Variants in GAPVD1 observed in about 807,000 individuals in gnomAD.
GAPVD1 encodes GTPase activating protein and VPS9 domains 1.
Under a neutral mutation model 155.5 loss-of-function variants are expected in GAPVD1, and 35 were observed. The ratio of observed to expected loss-of-function variants is 0.23; its 90% confidence interval spans 0.17 to 0.30. The LOEUF is 0.30. Among genes scored for constraint, GAPVD1 ranks in the 10% least tolerant of loss-of-function variants. GAPVD1 has a pLI of 1.00. For missense variants in GAPVD1, 1,429 were observed against 1,775.7 expected (o/e 0.80, Z 3.51); for synonymous variants, 636 against 619.7 (o/e 1.03, Z -0.39).
chr9:125,325,683 G>A (rs536998667), intron 11 of GAPVD1, among the ~76,000 whole-genome samples: 2 of 152,246 alleles, frequency 1.3e-5, no homozygotes, highest in African/African-American at 4.8e-5. Flanking sequence ...TGTCATTGGA[G>A]TGTGTGTGGC....
intron 11 of GAPVD1, among the ~76,000 whole-genome samples, chr9:125,326,148 A>G (rs1845145843): frequency 1.3e-5 from 2 of 152,372 alleles, no homozygotes; most frequent in South Asian, 4.1e-4. Flanking sequence ...GAAGTTGAAC[A>G]AATGTCACCT....
intron 25 of GAPVD1, among the ~76,000 whole-genome samples, chr9:125,358,793 T>C (rs1157982662): frequency 1.3e-5 from 2 of 152,208 alleles, no homozygotes; most frequent in Non-Finnish European, 2.9e-5. Context: ...ATTCAAACCA[T>C]ATAGACTACA....
At chr9:125,300,220 C>A (rs1174514463) in intron 4 of GAPVD1, among the ~76,000 whole-genome samples, 2 of 144,126 alleles carry the variant, frequency 1.4e-5, no homozygotes, top group Non-Finnish European at 3.0e-5. Flanking sequence ...CTCGCTCTGT[C>A]CCCCAGGCTG....
chr9:125,358,671 T>A (rs566840038), intron 25 of GAPVD1, among the ~76,000 whole-genome samples: 80 of 152,212 alleles, frequency 5.3e-4, no homozygotes, highest in Non-Finnish European at 9.3e-4. Flanking sequence ...TTGTTTATGG[T>A]CTCACAGTGT....
Position 125,326,464 on chromosome 9 carries a change from G to T in GAPVD1, c.1907G>T (p.Arg636Leu). 1 of 1,612,168 alleles carries T rather than the reference G, an allele frequency of 6.2e-7. No individual in the cohort carries two copies. The highest frequency in any genetic ancestry group is 8.5e-7 in the Non-Finnish European group (1 of 1,178,206). ...LDDKLRKFEI[R>L]DMMGLTDDRD... ...GATAAGCTAAGGAAGTTTGAAATTC[G>T]TGACATGATGGGATTAACAGATGAT... Residue 636 changes from arginine to leucine, a missense_variant, in exon 12 of 28, where the codon CGT becomes CTT. Coordinates refer to ENST00000297933, the MANE Select transcript of GAPVD1 (RefSeq NM_001282680.3).
chr9:125,286,384 T>G (rs988957152), intron 2 of GAPVD1, among the ~76,000 whole-genome samples: 1 of 152,268 alleles, frequency 6.6e-6, no homozygotes, highest in East Asian at 1.9e-4. Flanking sequence ...GCTTAAGCAA[T>G]CTGCCTGCCT....
At chr9:125,286,623 A>G (rs1837748283) in intron 2 of GAPVD1, among the ~76,000 whole-genome samples, 1 of 152,200 alleles carries the variant, frequency 6.6e-6, no homozygotes, top group Non-Finnish European at 1.5e-5. Context: ...AACTGGTGAC[A>G]ATGCAAATAT....
intron 2 of GAPVD1, among the ~76,000 whole-genome samples, chr9:125,285,762 A>G (rs943760193): frequency 2.0e-5 from 3 of 150,528 alleles, no homozygotes; most frequent in African/African-American, 7.3e-5. Context: ...CACCTGGCCC[A>G]TCTGTTTCGT....
intron 23 of GAPVD1, 70 bp downstream of exon 23, chr9:125,350,942 T>C: frequency 1.6e-6 from 2 of 1,228,750 alleles, no homozygotes; most frequent in Non-Finnish European, 2.3e-6. Context: ...TTTATCCTTA[T>C]TTCAGAAATG....
rs1564486641 is a variant in GAPVD1, at chr9:125,363,286, T to C, written c.*540T>C. 2 of 152,160 alleles carry C rather than the reference T, an allele frequency of 1.3e-5. No homozygotes were observed. The highest frequency in any genetic ancestry group is 4.8e-5 in the African/African-American group (2 of 41,444). 9.4% of individuals were successfully genotyped at this position (152,160 alleles called of 1,614,324 possible). A position where few individuals can be genotyped will look rare whatever the true frequency, so the allele number is the denominator to read the frequency against. On this transcript the variant is annotated 3_prime_UTR_variant, in exon 28 of 28. Coordinates refer to ENST00000297933, the MANE Select transcript of GAPVD1 (RefSeq NM_001282680.3). Reference sequence around the variant, plus strand: ...TAATATATATTTATATTTGATGTAATATGGACATCTGCAGATTCTAATAAA... The same window carrying C: ...TAATATATATTTATATTTGATGTAACATGGACATCTGCAGATTCTAATAAA...
At chr9:125,288,498 C>T (rs544960912) in intron 2 of GAPVD1, among the ~76,000 whole-genome samples, 1 of 152,068 alleles carries the variant, frequency 6.6e-6, no homozygotes, top group Non-Finnish European at 1.5e-5. Context: ...TTATTTCTAC[C>T]TTTTGTTTTG....
At position 125,362,742 on chromosome 9, in the gene GAPVD1, A is replaced by G; in HGVS notation, c.4379A>G (p.Lys1460Arg). The G allele has an allele frequency of 6.2e-7, 1 of 1,613,506 alleles. No homozygotes were observed. Among genetic ancestry groups the G allele is most frequent in the Non-Finnish European group, 8.5e-7 (1 of 1,179,652 alleles). ...TTCATTAAAACCATCGATGACCGAA[A>G]GTGACCAAGACCAAGGCCCACCAAG... ...VEFIKTIDDR[K>R] Residue 1460 changes from lysine to arginine, a missense_variant, in exon 28 of 28, where the codon AAG (lysine) becomes AGG (arginine). Lys to Arg is a conservative substitution (Grantham distance 26, BLOSUM62 2). Coordinates refer to ENST00000297933, the MANE Select transcript of GAPVD1 (RefSeq NM_001282680.3).
chr9:125,361,017 A>G (rs542556181), intron 27 of GAPVD1, among the ~76,000 whole-genome samples: 1 of 152,168 alleles, frequency 6.6e-6, no homozygotes, highest in African/African-American at 2.4e-5. Flanking sequence ...GTGCGTCACC[A>G]TGCCCAGCGA....
intron 8 of GAPVD1, 82 bp from the exon 9 acceptor site, chr9:125,312,370 T>C: frequency 1.1e-6 from 1 of 896,132 alleles, no homozygotes; most frequent in Non-Finnish European, 1.7e-6. Context: ...TCTGCACTAA[T>C]AGAAAATATA....
intron 5 of GAPVD1, among the ~76,000 whole-genome samples, chr9:125,304,187 T>C (rs1261190370): frequency 6.6e-6 from 1 of 152,130 alleles, no homozygotes; most frequent in East Asian, 1.9e-4. Flanking sequence ...CCCTCCTGAG[T>C]AGCTGGGACT....
Position 125,305,130 on chromosome 9 carries a change from G to A in GAPVD1, c.1097G>A (p.Ser366Asn), listed in dbSNP as rs761596596. ...GAGGGAGATCCCCGAACAAAGAGCA[G>A]CCTTGGAAAGTTTGACAAAGTAAGA... ...SEEGDPRTKS[S>N]LGKFDKSCVA... Residue 366 changes from serine to asparagine, a missense_variant, in exon 6 of 28, where the codon AGC (serine) becomes AAC (asparagine). Transcript: ENST00000297933. 14 of 1,612,876 alleles carry A rather than the reference G, an allele frequency of 8.7e-6. No individual in the cohort carries two copies. In the South Asian group the frequency reaches 1.3e-4, roughly 15 times the overall value.
intron 10 of GAPVD1, among the ~76,000 whole-genome samples, chr9:125,321,875 T>A (rs1235708216): frequency 6.6e-6 from 1 of 152,202 alleles, no homozygotes; most frequent in South Asian, 2.1e-4. Context: ...TAGAAGGATA[T>A]CATGCATGTC....
chr9:125,343,795 T>A (rs139494678), intron 19 of GAPVD1, among the ~76,000 whole-genome samples: 1 of 152,362 alleles, frequency 6.6e-6, no homozygotes, highest in East Asian at 1.9e-4. Flanking sequence ...ATTGTCCTTT[T>A]GGCAAAGTAT....
rs763020566 is a variant in GAPVD1, at chr9:125,354,770, G to A, written c.3686G>A (p.Arg1229Gln). The change falls in exon 24 of 28, where the codon CGA becomes CAA. Residue 1229 changes from arginine to glutamine, a missense_variant. Coordinates refer to ENST00000297933, the MANE Select transcript of GAPVD1 (RefSeq NM_001282680.3). ...TTGCGGGACAAAGAAGTGGCCAATC[G>A]ATACTTTACCACTGTCTGTGTGAGA... The part of the protein sequence containing the change: ...RVLRDKEVAN[R>Q]YFTTVCVRLL... 2.5e-6 allele frequency: 4 copies of A among 1,613,662 alleles called. No homozygotes were observed. The highest frequency in any genetic ancestry group is 1.1e-5 in the South Asian group (1 of 91,062).
Sources: gnomAD v4.1 joint callset for allele counts (sites outside exome capture counted in the v4.1 genomes callset) on GRCh38, gnomAD v4.1.1 for gene constraint, MANE v1.5 for transcripts, NCBI Gene and HGNC (gene_info 2026-07-23, HGNC 2026-07-21) for gene names.